Variants in SYNDIG1 observed in about 807,000 individuals in gnomAD.
The protein encoded by SYNDIG1 is synapse differentiation-inducing gene protein 1.
In SYNDIG1, 9 loss-of-function variants were observed where a neutral mutation model predicts 19.4. That is an observed-to-expected ratio of 0.46 (90% CI 0.28 to 0.81). SYNDIG1 has a LOEUF of 0.81. SYNDIG1 is among the 30% of genes least tolerant of loss of function. SYNDIG1 has a pLI of 0.12. For synonymous variants in SYNDIG1, 141 were observed against 145.9 expected, an observed-to-expected ratio of 0.97 and a Z score of 0.24; for missense variants, 311 against 343.3, an observed-to-expected ratio of 0.91 and a Z score of 0.74.
chr20:24,487,569 G>A (rs189978974), intron 1 of SYNDIG1, among the ~76,000 whole-genome samples: 15 of 152,284 alleles, frequency 9.9e-5, no homozygotes, highest in East Asian at 3.9e-4. Context: ...CATGCAGTGG[G>A]ACTAAAGAAA....
chr20:24,476,433 T>C (rs1365960164), intron 1 of SYNDIG1, among the ~76,000 whole-genome samples: 2 of 152,022 alleles, frequency 1.3e-5, no homozygotes, highest in Non-Finnish European at 2.9e-5. Context: ...TTTGGGAGGC[T>C]AAGGCGGGCA....
At chr20:24,646,405 G>A (rs2147352828) in intron 3 of SYNDIG1, among the ~76,000 whole-genome samples, 1 of 152,266 alleles carries the variant, frequency 6.6e-6, no homozygotes, top group South Asian at 2.1e-4. Context: ...GGGTCAAGGG[G>A]GCAGATCTCT....
intron 1 of SYNDIG1, among the ~76,000 whole-genome samples, chr20:24,481,613 C>T (rs925461470): frequency 4.6e-5 from 7 of 152,188 alleles, no homozygotes; most frequent in Admixed American, 6.5e-5. Context: ...GCAAATTAGA[C>T]CCCACTTTTG....
intron 3 of SYNDIG1, among the ~76,000 whole-genome samples, chr20:24,617,579 A>G (rs1055528246): frequency 1.3e-5 from 2 of 152,154 alleles, no homozygotes; most frequent in South Asian, 4.1e-4. Flanking sequence ...GGCCCCAGAC[A>G]TAGGCAACCC....
At chr20:24,590,196 A>AG (rs934270575) in intron 3 of SYNDIG1, among the ~76,000 whole-genome samples, 1 of 150,918 alleles carries the variant, frequency 6.6e-6, no homozygotes, top group Admixed American at 6.6e-5. Flanking sequence ...AGCCAGGGGG[A>AG]GCCCTTGGGG....
At chr20:24,587,599 A>T (rs2058437742) in intron 3 of SYNDIG1, among the ~76,000 whole-genome samples, 1 of 152,256 alleles carries the variant, frequency 6.6e-6, no homozygotes, top group Admixed American at 6.5e-5. Flanking sequence ...GAACAGATGC[A>T]ATCTGAGAAT....
intron 3 of SYNDIG1, among the ~76,000 whole-genome samples, chr20:24,606,709 G>A (rs770533885): frequency 2.6e-5 from 4 of 152,154 alleles, no homozygotes; most frequent in African/African-American, 4.8e-5. Context: ...TGGGCAGAGC[G>A]CAGCACAAGT....
At chr20:24,594,504 T>C (rs555526156) in intron 3 of SYNDIG1, among the ~76,000 whole-genome samples, 2 of 152,310 alleles carry the variant, frequency 1.3e-5, no homozygotes, top group South Asian at 2.1e-4. Context: ...CCTTGGCTAT[T>C]TGAGCTCTTT....
chr20:24,470,864 G>C (rs2055417649), intron 1 of SYNDIG1, among the ~76,000 whole-genome samples: 2 of 152,032 alleles, frequency 1.3e-5, no homozygotes, highest in African/African-American at 4.8e-5. Context: ...ATGCGCTGGC[G>C]CCGCGGCGCT....
Position 24,576,660 on chromosome 20 carries a change from G to A in SYNDIG1, c.481-8196G>A, listed in dbSNP as rs117463467. Among the ~76,000 whole-genome samples the A allele has an allele frequency of 6.3e-3, 953 of 152,264 alleles. 2 individuals carry two copies. Among genetic ancestry groups the A allele is most frequent in the Middle Eastern group, 0.014 (4 of 294 alleles). On this transcript the variant is annotated intron_variant, in intron 2 of 3. Transcript: ENST00000376862. ...TCACAGACATGAACTCTACCCATGT[G>A]CTAAATAGTAATGACCACCCCCGTC...
chr20:24,543,695 G>C, intron 2 of SYNDIG1, 118 bp downstream of exon 2: 1 of 1,399,804 alleles, frequency 7.1e-7, no homozygotes, highest in Admixed American at 2.1e-5. Flanking sequence ...CAAAAATGCA[G>C]AAACCAAAGG....
rs901623397 is a variant in SYNDIG1, at chr20:24,618,317, G to A, written c.618+33324G>A. ...GCCCAGGGAAGGGGGAGAGCCCAGT[G>A]AGGGCAGAGAGCCCAGGGAGCGAGG... On this transcript the variant is annotated intron_variant, in intron 3 of 3. Coordinates refer to ENST00000376862, the MANE Select transcript of SYNDIG1 (RefSeq NM_024893.3). Among the ~76,000 whole-genome samples the A allele has an allele frequency of 3.4e-5, 5 of 148,606 alleles. No homozygotes were observed. In the South Asian group the frequency reaches 1.1e-3, roughly 32 times the overall value.
intron 1 of SYNDIG1, among the ~76,000 whole-genome samples, chr20:24,489,304 GCA>G (rs1233400884): frequency 2.3e-5 from 3 of 130,554 alleles, no homozygotes; most frequent in Admixed American, 7.7e-5. Flanking sequence ...TCACATGCAG[GCA>G]CACGCAGACA....
At chr20:24,519,608 A>G (rs529124495) in intron 1 of SYNDIG1, among the ~76,000 whole-genome samples, 2 of 152,346 alleles carry the variant, frequency 1.3e-5, no homozygotes, top group East Asian at 3.9e-4. Flanking sequence ...TCTTCCACAA[A>G]ATGGATCCTG....
intron 2 of SYNDIG1, among the ~76,000 whole-genome samples, chr20:24,583,923 C>T (rs1288376402): frequency 1.3e-5 from 2 of 152,144 alleles, no homozygotes; most frequent in Non-Finnish European, 2.9e-5. Flanking sequence ...AGCATAACTG[C>T]TGCACACTAG....
chr20:24,492,301 T>G (rs898070879), intron 1 of SYNDIG1, among the ~76,000 whole-genome samples: 3 of 152,216 alleles, frequency 2.0e-5, no homozygotes, highest in Non-Finnish European at 2.9e-5. Context: ...GAGCCTGGCC[T>G]TCAGCGAGAG....
chr20:24,618,356 G>C (rs373956581), intron 3 of SYNDIG1, among the ~76,000 whole-genome samples: 48 of 149,168 alleles, frequency 3.2e-4, no homozygotes, highest in African/African-American at 9.9e-4. Flanking sequence ...TCCCGGGGAG[G>C]GGGGAGAGCC....
intron 3 of SYNDIG1, among the ~76,000 whole-genome samples, chr20:24,661,033 C>T (rs1215335907): frequency 6.6e-6 from 1 of 152,248 alleles, no homozygotes; most frequent in African/African-American, 2.4e-5. Context: ...AAAGCAAATG[C>T]CTTCCTTCTG....
intron 1 of SYNDIG1, among the ~76,000 whole-genome samples, chr20:24,517,693 T>TAC (rs1363303501): frequency 2.1e-5 from 3 of 145,836 alleles, no homozygotes; most frequent in South Asian, 2.1e-4. Flanking sequence ...TATATATATA[T>TAC]ACACATATAT....
Sources: allele counts gnomAD v4.1 joint callset (sites outside exome capture counted in the v4.1 genomes callset), GRCh38; gene constraint gnomAD v4.1.1; transcripts MANE v1.5; gene names NCBI Gene and HGNC (gene_info 2026-07-23, HGNC 2026-07-21).